The following HS3ST1 variants were observed in gnomAD, a reference collection of about 807,000 sequenced individuals.
HS3ST1 encodes the protein heparan sulfate-glucosamine 3-sulfotransferase 1.
In HS3ST1, 8 loss-of-function variants were observed where a neutral mutation model predicts 20.7. The observed-to-expected ratio is 0.39, with a 90% CI of 0.23 to 0.70. HS3ST1 has a LOEUF of 0.70. Ranked by LOEUF, HS3ST1 falls within the 30% of genes least tolerant of loss-of-function variation. The pLI, the probability that HS3ST1 is intolerant of heterozygous loss-of-function variation, is 0.46. For missense variants in HS3ST1, 436 were observed against 423.4 expected (o/e 1.03, Z -0.26); for synonymous variants, 205 against 190.4 (o/e 1.08, Z -0.63).
chr4:11,419,031 T>G (rs1718857550), intron 1 of HS3ST1, among the ~76,000 whole-genome samples: 1 of 152,062 alleles, frequency 6.6e-6, no homozygotes, highest in Non-Finnish European at 1.5e-5. Context: ...CGTTGGGGTT[T>G]ACTCAGGGGC....
chr4:11,403,070 A>T (rs1266889831), intron 1 of HS3ST1, among the ~76,000 whole-genome samples: 1 of 152,228 alleles, frequency 6.6e-6, no homozygotes, highest in Non-Finnish European at 1.5e-5. Flanking sequence ...TTATATACAC[A>T]TATGCAAGTA....
chr4:11,415,341 A>G (rs1718747389), intron 1 of HS3ST1, among the ~76,000 whole-genome samples: 1 of 152,218 alleles, frequency 6.6e-6, no homozygotes, highest in African/African-American at 2.4e-5. Context: ...CCTATCTTGA[A>G]GAAAGGGACC....
chr4:11,412,280 C>G (rs562083378), intron 1 of HS3ST1, among the ~76,000 whole-genome samples: 1 of 152,276 alleles, frequency 6.6e-6, no homozygotes, highest in Non-Finnish European at 1.5e-5. Context: ...CACAGGGATA[C>G]TCTAAGCCTT....
At chr4:11,416,270 G>T (rs949816437) in intron 1 of HS3ST1, among the ~76,000 whole-genome samples, 1 of 151,978 alleles carries the variant, frequency 6.6e-6, no homozygotes, top group African/African-American at 2.4e-5. Flanking sequence ...ATGACCAAAT[G>T]CCCCTCCTTT....
rs773758326 is a variant in HS3ST1, at chr4:11,397,379, C to T, written c.*1703G>A. ...TGAAACGTACCAAGGTGACTCACTT[C>T]CCTGATAACACTGCTGAGAAAAATG... On this transcript the variant is annotated 3_prime_UTR_variant, in exon 2 of 2. Coordinates refer to ENST00000002596, the MANE Select transcript of HS3ST1 (RefSeq NM_005114.4). The T allele has an allele frequency of 6.6e-6, 1 of 152,470 alleles. No individual in the cohort carries two copies. The highest frequency in any genetic ancestry group is 2.4e-5 in the African/African-American group (1 of 41,456). 9.4% of individuals were successfully genotyped at this position (152,470 alleles called of 1,614,324 possible). A position where few individuals can be genotyped will look rare whatever the true frequency, so the allele number is the denominator to read the frequency against.
At position 11,399,204 on chromosome 4, in the gene HS3ST1, C is replaced by T. The variant is rs764362562; in HGVS notation, c.802G>A (p.Glu268Lys). ...RDSGRDRCLH[E>K]SKGRAHPQVD... is the part of the protein sequence containing the mutation. ...TGGGGGTGCGCCCGGCCTTTGGACT[C>T]ATGTAAGCAGCGGTCCCGGCCGCTG... is the stretch of plus-strand genomic sequence containing the variant. Residue 268 changes from glutamate to lysine, a missense_variant, in exon 2 of 2, where the codon GAG (glutamate) becomes AAG (lysine). By Grantham distance (56) the Glu-to-Lys change is moderately conservative. Coordinates refer to ENST00000002596, the MANE Select transcript of HS3ST1 (RefSeq NM_005114.4). The surrounding 1 kb of genome is among the most constrained non-coding windows in gnomAD (Gnocchi z 5.1). The T allele has an allele frequency of 1.9e-6, 3 of 1,614,174 alleles. No individual in the cohort carries two copies. The highest frequency in any genetic ancestry group is 1.7e-5 in the Admixed American group (1 of 60,024).
At chr4:11,403,288 T>G (rs1718378090) in intron 1 of HS3ST1, among the ~76,000 whole-genome samples, 1 of 152,212 alleles carries the variant, frequency 6.6e-6, no homozygotes, top group Non-Finnish European at 1.5e-5. Flanking sequence ...GGAGCCAACT[T>G]CCTCTTGTGG....
intron 1 of HS3ST1, among the ~76,000 whole-genome samples, chr4:11,415,659 T>C (rs1718757182): frequency 6.6e-6 from 1 of 152,194 alleles, no homozygotes; most frequent in Admixed American, 6.5e-5. Flanking sequence ...TTGATAGCTG[T>C]GCAGAGACAG....
chr4:11,415,308 T>C (rs1261141876), intron 1 of HS3ST1, among the ~76,000 whole-genome samples: 1 of 152,188 alleles, frequency 6.6e-6, no homozygotes, highest in African/African-American at 2.4e-5. Flanking sequence ...GAAGAAGCTA[T>C]TTTTCACTCT....
chr4:11,400,811 C>T (rs985535857), intron 1 of HS3ST1, among the ~76,000 whole-genome samples: 3 of 152,222 alleles, frequency 2.0e-5, no homozygotes, highest in Non-Finnish European at 4.4e-5. Context: ...AGCATATGAG[C>T]AGATGTGACA....
chr4:11,408,064 A>C (rs1298473075), intron 1 of HS3ST1, among the ~76,000 whole-genome samples: 3 of 152,080 alleles, frequency 2.0e-5, no homozygotes, highest in African/African-American at 7.2e-5. Context: ...ATAGACAGGG[A>C]TTATTTTGTC....
rs570459376 is a variant in HS3ST1 at position 11,426,170 on chromosome 4, C to T, written c.-109+2529G>A. Among the ~76,000 whole-genome samples the T allele has an allele frequency of 6.8e-4, 104 of 152,214 alleles. 1 individual carries two copies. The highest frequency in any genetic ancestry group is 2.3e-3 in the African/African-American group (95 of 41,524). On this transcript the variant is annotated intron_variant, in intron 1 of 1. Transcript: ENST00000002596. ...ACTGTGCCTTCCTCCAAACTTTAGC[C>T]CCCATAGACAGACATGATTTAGCAA...
intron 1 of HS3ST1, among the ~76,000 whole-genome samples, chr4:11,407,214 T>C (rs1428948552): frequency 7.2e-5 from 11 of 152,118 alleles, no homozygotes; most frequent in Admixed American, 7.2e-4. Flanking sequence ...GAGTTTAGGG[T>C]AGAAAGGACC....
Position 11,397,424 on chromosome 4 carries a change from C to T in HS3ST1, c.*1658G>A, listed in dbSNP as rs932551213. The T allele has an allele frequency of 4.6e-5, 7 of 152,344 alleles. No individual in the cohort carries two copies. Among genetic ancestry groups the T allele is most frequent in the African/African-American group, 1.7e-4 (7 of 41,456 alleles). 9.4% of individuals were successfully genotyped at this position (152,344 alleles called of 1,614,324 possible). A position where few individuals can be genotyped will look rare whatever the true frequency, so the allele number is the denominator to read the frequency against. On this transcript the variant is annotated 3_prime_UTR_variant, in exon 2 of 2. Coordinates refer to ENST00000002596, the MANE Select transcript of HS3ST1 (RefSeq NM_005114.4). ...AAAATGCAGGCTTCTTCTTGCCCTTCCTGTATCTGGGACACACCTCTTAGG... is the reference window on the plus strand; with the variant it reads ...AAAATGCAGGCTTCTTCTTGCCCTTTCTGTATCTGGGACACACCTCTTAGG...
chr4:11,405,769 AAG>A (rs1718448169), intron 1 of HS3ST1, among the ~76,000 whole-genome samples: 2 of 152,184 alleles, frequency 1.3e-5, no homozygotes, highest in South Asian at 4.1e-4. Flanking sequence ...TGGATTAAAA[AAG>A]AGGGGAAGCA....
At chr4:11,410,172 G>A (rs1182280798) in intron 1 of HS3ST1, among the ~76,000 whole-genome samples, 3 of 152,160 alleles carry the variant, frequency 2.0e-5, no homozygotes, top group African/African-American at 7.2e-5. Context: ...AAATTGTACT[G>A]AGTCCCTGGG....
At chr4:11,410,620 C>T (rs906605637) in intron 1 of HS3ST1, among the ~76,000 whole-genome samples, 5 of 152,062 alleles carry the variant, frequency 3.3e-5, no homozygotes, top group Non-Finnish European at 7.3e-5. Flanking sequence ...AGGCTGGGAG[C>T]GGTGGCTTAT....
chr4:11,401,593 C>T (rs927681670), intron 1 of HS3ST1, among the ~76,000 whole-genome samples: 5 of 152,282 alleles, frequency 3.3e-5, no homozygotes, highest in African/African-American at 1.2e-4. Flanking sequence ...ATCTGCCTGC[C>T]TCGGCCTCCC....
upstream of HS3ST1, among the ~76,000 whole-genome samples, chr4:11,432,244 G>A (rs1719219722): frequency 6.6e-6 from 1 of 152,098 alleles, no homozygotes; most frequent in South Asian, 2.1e-4. Flanking sequence ...AGACTCAATG[G>A]GGTTTTATTT....
Sources: allele counts gnomAD v4.1 joint callset (sites outside exome capture counted in the v4.1 genomes callset), GRCh38; gene constraint gnomAD v4.1.1; non-coding constraint Gnocchi (gnomAD v3.1); transcripts MANE v1.5; gene names NCBI Gene and HGNC (gene_info 2026-07-23, HGNC 2026-07-21).